The following ERI1 variants were observed in gnomAD, a reference collection of about 807,000 sequenced individuals.
ERI1 encodes the protein exoribonuclease 1, also known as 3'-5' exoribonuclease 1.
ERI1 carries 39 observed loss-of-function variants against 39.7 expected under a neutral mutation model. The ratio of observed to expected loss-of-function variants is 0.98; its 90% confidence interval spans 0.76 to 1.28. The LOEUF (loss-of-function observed/expected upper bound fraction) is 1.28. Ranked by LOEUF, ERI1 falls within the 50% of genes most tolerant of loss-of-function variation. The pLI, the probability that ERI1 is intolerant of heterozygous loss-of-function variation, is 0.00. For missense variants in ERI1, 581 were observed against 416.9 expected, an observed-to-expected ratio of 1.39 and a Z score of -3.43; for synonymous variants, 204 against 149.6, an observed-to-expected ratio of 1.36 and a Z score of -2.65.
intron 3 of ERI1, among the ~76,000 whole-genome samples, chr8:9,061,330 C>T (rs563762979): frequency 1.5e-4 from 23 of 152,196 alleles, no homozygotes; most frequent in African/African-American, 5.3e-4. Context: ...AGATTGAAGT[C>T]CGGGCCAGGA....
intron 3 of ERI1, chr8:9,096,821 A>G (rs1160536457): frequency 4.0e-5 from 6 of 150,014 alleles, no homozygotes; most frequent in Admixed American, 6.7e-5. Context: ...GGCTCAAGCA[A>G]TGCTCCCGCC....
At position 9,011,536 on chromosome 8, in the gene ERI1, A is replaced by C; in HGVS notation, c.288-6A>C. 1 of 1,584,682 alleles carries C rather than the reference A, an allele frequency of 6.3e-7. No individual in the cohort carries two copies. ...TAAGTGTAACTAGTCTTCTTCTTCTACTTAGAGGAGTAAAGGATGTTCTAA... is the reference window on the plus strand; with the variant it reads ...TAAGTGTAACTAGTCTTCTTCTTCTCCTTAGAGGAGTAAAGGATGTTCTAA... On this transcript the variant is annotated splice_polypyrimidine_tract_variant and splice_region_variant and intron_variant, in intron 2 of 6. Transcript: ENST00000250263.
chr8:9,018,247 A>T, intron 4 of ERI1, 50 bp from the exon 5 acceptor site: 4 of 1,053,430 alleles, frequency 3.8e-6, no homozygotes, highest in East Asian at 2.4e-5. Flanking sequence ...TTGTAGGTCT[A>T]CGTGAAGCTG....
chr8:9,017,437 G>C (rs564934943), intron 4 of ERI1, among the ~76,000 whole-genome samples: 9 of 152,244 alleles, frequency 5.9e-5, no homozygotes, highest in African/African-American at 2.2e-4. Context: ...ACGTGTATTT[G>C]AGTGCCTACT....
At chr8:9,066,601 T>C (rs75413623) in intron 3 of ERI1, among the ~76,000 whole-genome samples, 51 of 152,356 alleles carry the variant, frequency 3.3e-4, no homozygotes, top group African/African-American at 1.2e-3. Context: ...TTTGTGAAGA[T>C]GTAGGACATT....
intron 1 of ERI1, chr8:9,004,052 G>GT (rs1563302449): frequency 4.7e-6 from 6 of 1,287,908 alleles, no homozygotes; most frequent in Non-Finnish European, 6.1e-6. Context: ...ATCTCACACA[G>GT]TTTTTTCCCT....
chr8:9,064,309 G>T (rs984787822), intron 3 of ERI1, among the ~76,000 whole-genome samples: 1 of 151,860 alleles, frequency 6.6e-6, no homozygotes, highest in East Asian at 1.9e-4. Flanking sequence ...GAGTTGGGGG[G>T]TTCTTGCACC....
intron 1 of ERI1, among the ~76,000 whole-genome samples, chr8:9,005,797 A>C (rs372753292): frequency 6.6e-6 from 1 of 152,222 alleles, no homozygotes; most frequent in African/African-American, 2.4e-5. Flanking sequence ...CCCGGCCTCA[A>C]CGACAGTTTT....
Position 9,009,436 on chromosome 8 carries a change from T to G in ERI1, c.287+1288T>G, listed in dbSNP as rs114473600. On this transcript the variant is annotated intron_variant, in intron 2 of 6. Transcript: ENST00000250263. ...TTTCAGGCAAAAAAATAACAGAAAC[T>G]TTTCTAATTCCAGTTTGTATGGTTT... Among the ~76,000 whole-genome samples the G allele has an allele frequency of 2.5e-3, 384 of 152,288 alleles. 2 individuals are homozygous for G. The highest frequency in any genetic ancestry group is 8.8e-3 in the African/African-American group (367 of 41,576).
downstream of ERI1, among the ~76,000 whole-genome samples, chr8:9,037,500 T>G (rs534408948): frequency 1.7e-3 from 235 of 139,286 alleles, no homozygotes; most frequent in Middle Eastern, 7.3e-3. Flanking sequence ...TATTGTTGGG[T>G]TTTTTTTTTT....
Position 9,031,212 on chromosome 8 carries a change from A to C in ERI1, c.*1178A>C, listed in dbSNP as rs914157061. The C allele has an allele frequency of 6.6e-6, 1 of 152,190 alleles. No individual in the cohort carries two copies. Among genetic ancestry groups the C allele is most frequent in the African/African-American group, 2.4e-5 (1 of 41,454 alleles). The allele number at this position is 152,190 out of a possible 1,614,324, so 9.4% of individuals were successfully genotyped here. A position where few individuals can be genotyped will look rare whatever the true frequency, so the allele number is the denominator to read the frequency against. ...TGATGCTACTTTATTCTAAAGATTT[A>C]TATTTTATAACCAGATGAATTTCCT... On this transcript the variant is annotated 3_prime_UTR_variant, in exon 7 of 7. Transcript: ENST00000250263.
At chr8:9,074,608 A>AC (rs1799151080) in intron 3 of ERI1, among the ~76,000 whole-genome samples, 1 of 151,658 alleles carries the variant, frequency 6.6e-6, no homozygotes, top group Non-Finnish European at 1.5e-5. Flanking sequence ...TGCCCAGCTA[A>AC]TTTTTTGTAG....
intron 6 of ERI1, among the ~76,000 whole-genome samples, chr8:9,028,662 C>T (rs533364675): frequency 7.2e-5 from 11 of 152,148 alleles, no homozygotes; most frequent in East Asian, 3.9e-4. Flanking sequence ...CTCACTCTGA[C>T]GCCCAGGCTG....
intron 3 of ERI1, among the ~76,000 whole-genome samples, chr8:9,077,341 C>G (rs1799239983): frequency 6.6e-6 from 1 of 152,190 alleles, no homozygotes; most frequent in South Asian, 2.1e-4. Context: ...AGGGAACTTT[C>G]CTTTTACCTT....
intron 3 of ERI1, among the ~76,000 whole-genome samples, chr8:9,039,866 A>G (rs535217569): frequency 8.5e-5 from 13 of 152,298 alleles, no homozygotes; most frequent in Non-Finnish European, 1.8e-4. Flanking sequence ...TTTGGAGTAA[A>G]TATTTCACAA....
intron 3 of ERI1, among the ~76,000 whole-genome samples, chr8:9,039,699 TTAA>T (rs924568996): frequency 1.3e-5 from 2 of 152,250 alleles, no homozygotes; most frequent in African/African-American, 4.8e-5. Context: ...TTCTTTAGTG[TTAA>T]TAATATTAAC....
intron 2 of ERI1, among the ~76,000 whole-genome samples, chr8:9,010,727 G>A (rs761731571): frequency 4.6e-5 from 7 of 152,126 alleles, no homozygotes; most frequent in Non-Finnish European, 1.0e-4. Flanking sequence ...AATGCTGGTT[G>A]CAACTTAATT....
At chr8:9,036,473 C>A (rs1054236761), downstream of ERI1, among the ~76,000 whole-genome samples, 2 of 152,154 alleles carry the variant, frequency 1.3e-5, no homozygotes, top group Non-Finnish European at 2.9e-5. Flanking sequence ...GAAATTTAAT[C>A]TTTAAGGTAT....
chr8:9,065,874 G>T (rs1280399313), intron 3 of ERI1, among the ~76,000 whole-genome samples: 3 of 152,080 alleles, frequency 2.0e-5, no homozygotes, highest in African/African-American at 7.2e-5. Flanking sequence ...TGTGGTTTTG[G>T]GTGGGTGGTG....
Sources: gnomAD v4.1 joint callset for allele counts (sites outside exome capture counted in the v4.1 genomes callset) on GRCh38, gnomAD v4.1.1 for gene constraint, MANE v1.5 for transcripts, NCBI Gene and HGNC (gene_info 2026-07-23, HGNC 2026-07-21) for gene names.